GALNT17: variants seen among roughly 807,000 people sequenced by gnomAD.
The protein encoded by GALNT17 is polypeptide N-acetylgalactosaminyltransferase 17, also known as UDP-GalNAc:polypeptide N-acetylgalactosaminyltransferase-like 3.
In GALNT17, 29 loss-of-function variants were observed where a neutral mutation model predicts 63.7. The observed-to-expected ratio is 0.46, with a 90% CI of 0.34 to 0.62. The LOEUF is 0.62. Ranked by LOEUF, GALNT17 falls within the 20% of genes least tolerant of loss-of-function variation. The probability of loss-of-function intolerance (pLI) is 0.01; values close to 1 mark genes in which losing one functional copy is unlikely to be tolerated. For synonymous variants in GALNT17, 305 were observed against 318.3 expected (o/e 0.96, Z 0.45); for missense variants, 603 against 799.6 (o/e 0.75, Z 2.97).
intron 1 of GALNT17, among the ~76,000 whole-genome samples, chr7:71,269,300 A>G (rs1374785773): frequency 3.3e-5 from 5 of 152,172 alleles, no homozygotes; most frequent in Non-Finnish European, 7.4e-5. Context: ...CCCTATCTCT[A>G]CAAAAATAAA....
At chr7:71,539,290 G>A (rs1788849265) in intron 5 of GALNT17, among the ~76,000 whole-genome samples, 1 of 152,080 alleles carries the variant, frequency 6.6e-6, no homozygotes, top group South Asian at 2.1e-4. Context: ...TTGGCATGGG[G>A]AGCTTTTCTT....
At chr7:71,645,800 T>G (rs1230625511) in intron 6 of GALNT17, among the ~76,000 whole-genome samples, 1 of 152,204 alleles carries the variant, frequency 6.6e-6, no homozygotes. Context: ...AAAACCTGAC[T>G]TCAGTTGTGA....
intron 6 of GALNT17, among the ~76,000 whole-genome samples, chr7:71,584,392 A>G (rs186534168): frequency 6.6e-6 from 1 of 152,318 alleles, no homozygotes; most frequent in African/African-American, 2.4e-5. Flanking sequence ...ATGAATCCAA[A>G]TGTACTGATC....
intron 5 of GALNT17, among the ~76,000 whole-genome samples, chr7:71,557,465 T>C (rs1029817372): frequency 4.6e-5 from 7 of 152,184 alleles, no homozygotes; most frequent in Admixed American, 6.6e-5. Flanking sequence ...CTTTCAAGAC[T>C]TTCTCTTCAC....
intron 1 of GALNT17, chr7:71,284,300 G>C (rs1239666513): frequency 1.3e-5 from 2 of 153,878 alleles, no homozygotes; most frequent in African/African-American, 4.8e-5. Context: ...GGGTTCAAAC[G>C]ATTCTCCTGC....
chr7:71,134,073 C>A (rs570676130), intron 1 of GALNT17, among the ~76,000 whole-genome samples: 1 of 152,160 alleles, frequency 6.6e-6, no homozygotes, highest in Admixed American at 6.5e-5. Context: ...ATCTGTCCAG[C>A]GAGGCTCCAC....
intron 1 of GALNT17, among the ~76,000 whole-genome samples, chr7:71,207,226 T>C (rs548892909): frequency 6.6e-6 from 1 of 152,226 alleles, no homozygotes; most frequent in African/African-American, 2.4e-5. Context: ...TGTTGTGTTG[T>C]TAAGTAAGCC....
At chr7:71,314,994 A>G (rs1438141613) in intron 1 of GALNT17, among the ~76,000 whole-genome samples, 1 of 152,104 alleles carries the variant, frequency 6.6e-6, no homozygotes, top group African/African-American at 2.4e-5. Context: ...TATTTTTATC[A>G]CTCTGAAAAC....
At position 71,155,998 on chromosome 7, in the gene GALNT17, A is replaced by C. The variant is rs1357698883; in HGVS notation, c.238+22958A>C. On this transcript the variant is annotated intron_variant, in intron 1 of 10. Transcript: ENST00000333538. ...GATCACCTGAAGTTGGGAGTTCAAG[A>C]CCAGCTTGTCCAACATGGAGAAACC... Among the ~76,000 whole-genome samples, 2 of 151,766 alleles carry C rather than the reference A, an allele frequency of 1.3e-5. 1 individual carries two copies. Among genetic ancestry groups the C allele is most frequent in the African/African-American group, 4.9e-5 (2 of 41,102 alleles).
intron 6 of GALNT17, among the ~76,000 whole-genome samples, chr7:71,644,373 A>G (rs1032945994): frequency 1.3e-5 from 2 of 151,798 alleles, no homozygotes; most frequent in African/African-American, 4.8e-5. Context: ...CATCTCTACT[A>G]AAAATACAAA....
chr7:71,515,650 A>G (rs769864179), intron 5 of GALNT17, among the ~76,000 whole-genome samples: 17 of 151,988 alleles, frequency 1.1e-4, no homozygotes, highest in East Asian at 1.9e-4. Flanking sequence ...TCCTTTCCCC[A>G]TGGGGAGAGG....
At chr7:71,405,471 A>G (rs758977655) in intron 3 of GALNT17, among the ~76,000 whole-genome samples, 1 of 152,208 alleles carries the variant, frequency 6.6e-6, no homozygotes, top group Non-Finnish European at 1.5e-5. Flanking sequence ...TACAAAAAAT[A>G]ATAATAATAA....
Position 71,634,352 on chromosome 7 carries a change from G to A in GALNT17, c.1081-31059G>A, listed in dbSNP as rs10275411. Among the ~76,000 whole-genome samples the A allele has an allele frequency of 7.8e-3, 1,181 of 152,316 alleles. 35 individuals are homozygous for A. Among genetic ancestry groups the A allele is most frequent in the East Asian group, 0.07 (362 of 5,176 alleles). On this transcript the variant is annotated intron_variant, in intron 6 of 10. Transcript: ENST00000333538. ...TCTGAGCCGAATGTGAGTGACCATCGCCTGGGACACAGCCCTCAGGAAGTC... is the reference window on the plus strand; with the variant it reads ...TCTGAGCCGAATGTGAGTGACCATCACCTGGGACACAGCCCTCAGGAAGTC...
intron 1 of GALNT17, among the ~76,000 whole-genome samples, chr7:71,242,360 C>T (rs1790014681): frequency 6.7e-6 from 1 of 148,920 alleles, no homozygotes. Context: ...AACTCCGCCT[C>T]CTGGGTTCAC....
chr7:71,246,899 A>G (rs11770998), intron 1 of GALNT17, among the ~76,000 whole-genome samples: 10,115 of 147,232 alleles, frequency 0.069, 449 homozygotes, highest in Non-Finnish European at 0.089. Context: ...AGTACTTTTT[A>G]TGATATAAGC....
chr7:71,631,168 TA>T (rs943213125), intron 6 of GALNT17, among the ~76,000 whole-genome samples: 1 of 152,064 alleles, frequency 6.6e-6, no homozygotes, highest in Admixed American at 6.5e-5. Flanking sequence ...AGGAAGTGTT[TA>T]AGTAGTAAAT....
chr7:71,175,319 A>T (rs1300535010), intron 1 of GALNT17, among the ~76,000 whole-genome samples: 1 of 152,030 alleles, frequency 6.6e-6, no homozygotes, highest in African/African-American at 2.4e-5. Flanking sequence ...ATTATCTATC[A>T]TCTGTCCCTA....
chr7:71,411,088 A>C (rs1022219215), intron 3 of GALNT17, among the ~76,000 whole-genome samples: 4 of 152,126 alleles, frequency 2.6e-5, no homozygotes, highest in African/African-American at 9.7e-5. Context: ...TCATCTGTTA[A>C]GGATGATAAA....
chr7:71,642,832 C>T (rs1006787357), intron 6 of GALNT17, among the ~76,000 whole-genome samples: 5 of 143,250 alleles, frequency 3.5e-5, no homozygotes, highest in African/African-American at 1.3e-4. Flanking sequence ...GAGACTCTGT[C>T]TCAAAAAAAA....
Sources: gnomAD v4.1 joint callset for allele counts (sites outside exome capture counted in the v4.1 genomes callset) on GRCh38, gnomAD v4.1.1 for gene constraint, MANE v1.5 for transcripts, NCBI Gene and HGNC (gene_info 2026-07-23, HGNC 2026-07-21) for gene names.